The following COL4A5 variants were observed in gnomAD, a reference collection of about 807,000 sequenced individuals.
COL4A5 encodes collagen alpha-5(IV) chain.
In COL4A5, 26 loss-of-function variants were observed where a neutral mutation model predicts 130.2. The observed-to-expected ratio is 0.20, with a 90% CI of 0.15 to 0.28. The LOEUF is 0.28. Ranked by LOEUF, COL4A5 falls within the 10% of genes least tolerant of loss-of-function variation. The pLI is 1.00. For synonymous variants in COL4A5, 496 were observed against 439.6 expected (o/e 1.13, Z -1.60); for missense variants, 1,131 against 1,344.3 (o/e 0.84, Z 2.48).
chrX:108,490,417 C>T (rs1361885581), intron 1 of COL4A5, among the ~76,000 whole-genome samples: 3 of 111,558 alleles, frequency 2.7e-5, no homozygotes, highest in East Asian at 5.6e-4. Context: ...CAACACATTG[C>T]GTTATCAAAC....
intron 18 of COL4A5, among the ~76,000 whole-genome samples, chrX:108,585,137 A>G (rs1047626845): frequency 2.7e-5 from 3 of 112,176 alleles, no homozygotes; most frequent in African/African-American, 9.7e-5. Flanking sequence ...CAGTCTTATT[A>G]GGAATAAAAT....
At chrX:108,519,054 T>C (rs73524490) in intron 1 of COL4A5, among the ~76,000 whole-genome samples, 10,643 of 111,192 alleles carry the variant, frequency 0.096, 1,150 homozygotes, top group African/African-American at 0.32. Context: ...TAGATTAATT[T>C]CTAATACCTC....
intron 1 of COL4A5, among the ~76,000 whole-genome samples, chrX:108,496,708 C>T (rs1469807355): frequency 9.0e-6 from 1 of 111,387 alleles, no homozygotes; most frequent in African/African-American, 3.3e-5. Flanking sequence ...TTTTGAAGCT[C>T]TGTTAGTTGT....
At chrX:108,670,141 A>G in intron 41 of COL4A5, 87 bp from the exon 42 acceptor site, 1 of 980,885 alleles carries the variant, frequency 1.0e-6, no homozygotes, top group Non-Finnish European at 1.4e-6. Context: ...AATGCTTTTT[A>G]GTTTCTTGAT....
intron 36 of COL4A5, among the ~76,000 whole-genome samples, chrX:108,639,177 G>A (rs758512393): frequency 1.5e-3 from 166 of 110,920 alleles, no homozygotes; most frequent in African/African-American, 5.0e-3. Context: ...TAATCAAAGC[G>A]GTGTGGTGCT....
chrX:108,492,392 A>G (rs1273303608), intron 1 of COL4A5, among the ~76,000 whole-genome samples: 1 of 112,197 alleles, frequency 8.9e-6, no homozygotes, highest in Non-Finnish European at 1.9e-5. Context: ...ACAAACAAAC[A>G]ACTACTATAA....
intron 36 of COL4A5, among the ~76,000 whole-genome samples, chrX:108,631,111 T>C (rs1603300202): frequency 8.9e-6 from 1 of 111,955 alleles, no homozygotes; most frequent in South Asian, 3.8e-4. Flanking sequence ...TTTGTTCTTT[T>C]GGCTTAGGAT....
At chrX:108,582,964 C>G in intron 17 of COL4A5, 27 bp downstream of exon 17, 1 of 1,104,409 alleles carries the variant, frequency 9.1e-7, no homozygotes, top group Non-Finnish European at 1.3e-6. Flanking sequence ...TTTGAAGTGA[C>G]TGGTTTAGTC....
intron 1 of COL4A5, 142 bp downstream of exon 1, chrX:108,440,348 C>T (rs770572735): frequency 1.3e-5 from 6 of 479,918 alleles, no homozygotes; most frequent in South Asian, 3.0e-5. Flanking sequence ...TAGGAAGAAA[C>T]GTTATTTGCA....
chrX:108,598,022 C>G (rs1217534007), intron 24 of COL4A5, among the ~76,000 whole-genome samples: 5 of 109,987 alleles, frequency 4.5e-5, no homozygotes, highest in Non-Finnish European at 5.7e-5. Flanking sequence ...GAAACCCTGT[C>G]TCTACTAAAA....
At chrX:108,596,775 T>C (rs2066522776) in intron 22 of COL4A5, among the ~76,000 whole-genome samples, 1 of 112,441 alleles carries the variant, frequency 8.9e-6, no homozygotes, top group Non-Finnish European at 1.9e-5. Flanking sequence ...CAATATTGTA[T>C]GTAACATGAA....
At position 108,601,952 on chromosome X, in the gene COL4A5, C is replaced by A. The variant is rs369092053; in HGVS notation, c.2109C>A (p.Ile703=). The change falls in exon 27 of 53, where the codon ATC becomes ATA. Residue 703 remains isoleucine (I), a synonymous_variant. Coordinates refer to ENST00000328300, the MANE Select transcript of COL4A5 (RefSeq NM_033380.3). ...CTGGTAGCAAAGGAGAACCAGGTATCCCTGGAATTGGGCTTCCTGGACCAC... is the reference window on the plus strand; with the variant it reads ...CTGGTAGCAAAGGAGAACCAGGTATACCTGGAATTGGGCTTCCTGGACCAC... The part of the protein sequence containing the change: ...GIPGSKGEPG[I]PGIGLPGPPG... 1.7e-6 allele frequency: 2 copies of A among 1,163,142 alleles called. No individual in the cohort carries two copies. Among genetic ancestry groups the A allele is most frequent in the African/African-American group, 3.6e-5 (2 of 56,209 alleles).
In COL4A5 at chrX:108,537,714, A is replaced by T. The variant is rs982548828; in HGVS notation, c.82-2032A>T. Among the ~76,000 whole-genome samples the T allele has an allele frequency of 4.5e-5, 5 of 112,185 alleles. No individual in the cohort carries two copies. The Admixed American group carries it at 4.7e-4, about 11-fold the overall frequency. On this transcript the variant is annotated intron_variant, in intron 1 of 52. Transcript: ENST00000328300. ...CAACAACAAAAACCCATGCACATATATTCACATATAAAGTTCAGACATGCA... is the reference window on the plus strand; with the variant it reads ...CAACAACAAAAACCCATGCACATATTTTCACATATAAAGTTCAGACATGCA...
rs933782086 is a variant in COL4A5 at position 108,440,395 on chromosome X, A to T, written c.81+189A>T. On this transcript the variant is annotated intron_variant, in intron 1 of 52. Transcript: ENST00000328300. ...TCAAGCCTTCTGAAGTCCAACGGAG[A>T]GGTTTAAGTGCTTAAAAATAGGGCT... The T allele has an allele frequency of 6.9e-6, 3 of 435,116 alleles. No homozygotes were observed. In the African/African-American group the frequency reaches 7.5e-5, roughly 11 times the overall value. The allele number at this position is 435,116 out of a possible 1,213,427, so 35.9% of individuals were successfully genotyped here. A position where few individuals can be genotyped will look rare whatever the true frequency, so the allele number is the denominator to read the frequency against.
At chrX:108,444,719 A>C (rs752285236) in intron 1 of COL4A5, among the ~76,000 whole-genome samples, 2 of 111,965 alleles carry the variant, frequency 1.8e-5, no homozygotes, top group Non-Finnish European at 3.8e-5. Context: ...ATGCACACAT[A>C]CCTGTTTCTA....
At chrX:108,582,136 T>C (rs897538321) in intron 16 of COL4A5, among the ~76,000 whole-genome samples, 2 of 111,022 alleles carry the variant, frequency 1.8e-5, no homozygotes, top group East Asian at 5.6e-4. Context: ...GATAAATTGG[T>C]TTCAGGATAT....
In COL4A5 at chrX:108,687,537, T is replaced by C; in HGVS notation, c.4371T>C (p.Gly1457=). 1 of 1,211,197 alleles carries C rather than the reference T, an allele frequency of 8.3e-7. No individual in the cohort carries two copies. Among genetic ancestry groups the C allele is most frequent in the Non-Finnish European group, 1.1e-6 (1 of 895,343 alleles). ...PGPDGLQGPP[G]PPGTSSVAHG... is the part of the protein sequence containing the mutation. The stretch of plus-strand genomic sequence containing the variant: ...CAGATGGATTGCAAGGTCCCCCAGG[T>C]CCCCCTGGAACCTCCTCTGTTGCAC... The change falls in exon 49 of 53, where the codon GGT becomes GGC. Residue 1457 remains glycine (G), a synonymous_variant. Transcript: ENST00000328300.
intron 1 of COL4A5, among the ~76,000 whole-genome samples, chrX:108,518,610 A>G (rs1369557401): frequency 9.0e-6 from 1 of 110,959 alleles, no homozygotes; most frequent in East Asian, 2.8e-4. Context: ...AGGGGGAAAA[A>G]ACATATGGGA....
At chrX:108,557,049 T>C (rs2065832921) in intron 2 of COL4A5, among the ~76,000 whole-genome samples, 1 of 111,778 alleles carries the variant, frequency 8.9e-6, no homozygotes, top group Non-Finnish European at 1.9e-5. Flanking sequence ...TCCTCTCTTA[T>C]CTGTAGGCGA....
Sources: gnomAD v4.1 joint callset for allele counts (sites outside exome capture counted in the v4.1 genomes callset) on GRCh38, gnomAD v4.1.1 for gene constraint, MANE v1.5 for transcripts, NCBI Gene and HGNC (gene_info 2026-07-23, HGNC 2026-07-21) for gene names.